COMMD1: variants seen among roughly 807,000 people sequenced by gnomAD.
COMMD1 encodes copper metabolism domain containing 1, also known as COMM domain-containing protein 1.
COMMD1 carries 10 observed loss-of-function variants against 17.2 expected under a neutral mutation model. The observed-to-expected ratio is 0.58, with a 90% CI of 0.36 to 0.99. The LOEUF (loss-of-function observed/expected upper bound fraction) is 0.99. COMMD1 is among the 50% of genes least tolerant of loss of function. The pLI is 0.01. For synonymous variants in COMMD1, 97 were observed against 91.6 expected, an observed-to-expected ratio of 1.06 and a Z score of -0.34; for missense variants, 270 against 231.8, an observed-to-expected ratio of 1.17 and a Z score of -1.07.
Position 61,963,169 on chromosome 2 carries a change from A to AT in COMMD1, c.181-37532_181-37531insT, listed in dbSNP as rs1346419618. ...AGTGAGACCCTGTCTCAAAAAAAAA[A>AT]ATATATATATATATATTATATACAC... On this transcript the variant is annotated intron_variant, in intron 1 of 2. Coordinates refer to ENST00000311832, the MANE Select transcript of COMMD1 (RefSeq NM_152516.4). Among the ~76,000 whole-genome samples the AT allele has an allele frequency of 8.3e-3, 1,196 of 143,554 alleles. 17 individuals are homozygous for AT. Among genetic ancestry groups the AT allele is most frequent in the East Asian group, 0.041 (202 of 4,986 alleles). 94.2% of individuals were successfully genotyped at this position (143,554 alleles called of 152,430 possible).
chr2:62,081,987 G>A (rs932126932), intron 2 of COMMD1, among the ~76,000 whole-genome samples: 8 of 152,084 alleles, frequency 5.3e-5, no homozygotes, highest in East Asian at 3.9e-4. Context: ...AGTGTAAGTC[G>A]GGAATCTAAT....
At chr2:61,942,504 G>A (rs1290235111) in intron 1 of COMMD1, among the ~76,000 whole-genome samples, 2 of 150,580 alleles carry the variant, frequency 1.3e-5, no homozygotes, top group Non-Finnish European at 3.0e-5. Flanking sequence ...GCCTCCCAAA[G>A]TGCTGGGATT....
chr2:61,951,251 G>A (rs1671046074), intron 1 of COMMD1, among the ~76,000 whole-genome samples: 1 of 152,090 alleles, frequency 6.6e-6, no homozygotes. Flanking sequence ...ATAGGTTGAG[G>A]CCAGGAGTTC....
At chr2:61,971,856 C>T (rs1229017977) in intron 1 of COMMD1, among the ~76,000 whole-genome samples, 4 of 152,082 alleles carry the variant, frequency 2.6e-5, no homozygotes, top group East Asian at 1.9e-4. Flanking sequence ...AGCGGTGGCT[C>T]ATGCCTGTAA....
At chr2:62,100,625 T>C (rs1011816962) in intron 2 of COMMD1, among the ~76,000 whole-genome samples, 2 of 152,056 alleles carry the variant, frequency 1.3e-5, no homozygotes, top group East Asian at 1.9e-4. Context: ...CTGGTGACAA[T>C]TGGTTGAGTT....
At chr2:61,957,523 G>T (rs1671230257) in intron 1 of COMMD1, among the ~76,000 whole-genome samples, 1 of 152,018 alleles carries the variant, frequency 6.6e-6, no homozygotes, top group African/African-American at 2.4e-5. Flanking sequence ...TGACCCCATT[G>T]CTGGTTAAGT....
At chr2:62,081,849 T>C (rs747684529) in intron 2 of COMMD1, among the ~76,000 whole-genome samples, 1 of 152,232 alleles carries the variant, frequency 6.6e-6, no homozygotes, top group African/African-American at 2.4e-5. Context: ...TATATTCAAA[T>C]ATGTCAATCT....
At chr2:62,076,512 C>T (rs1671339995) in intron 2 of COMMD1, among the ~76,000 whole-genome samples, 1 of 152,186 alleles carries the variant, frequency 6.6e-6, no homozygotes, top group Non-Finnish European at 1.5e-5. Context: ...TTTAGGAGGC[C>T]AAAGCGGCTG....
At position 61,965,751 on chromosome 2, in the gene COMMD1, A is replaced by G. The variant is rs185515032; in HGVS notation, c.181-34950A>G. 2.0e-5 allele frequency among the ~76,000 whole-genome samples: 3 copies of G among 152,216 alleles called. No individual in the cohort carries two copies. In the East Asian group the frequency reaches 5.8e-4, roughly 29 times the overall value. On this transcript the variant is annotated intron_variant, in intron 1 of 2. Coordinates refer to ENST00000311832, the MANE Select transcript of COMMD1 (RefSeq NM_152516.4). The stretch of plus-strand genomic sequence containing the variant: ...CTCAGGAGCAGGATTTGGAGCCTTA[A>G]AGTCCAGCTACCCTTCTCACATGGA...
intron 1 of COMMD1, among the ~76,000 whole-genome samples, chr2:61,899,807 G>A (rs546482975): frequency 6.6e-6 from 1 of 152,038 alleles, no homozygotes; most frequent in Non-Finnish European, 1.5e-5. Flanking sequence ...GCATAGTTGG[G>A]ACTACAGACG....
intron 2 of COMMD1, among the ~76,000 whole-genome samples, chr2:62,122,515 T>C (rs530592726): frequency 1.3e-5 from 2 of 151,816 alleles, no homozygotes; most frequent in East Asian, 3.9e-4. Flanking sequence ...TCCACTGGCC[T>C]ATAACAGGGA....
intron 1 of COMMD1, among the ~76,000 whole-genome samples, chr2:61,971,061 G>A (rs1038963803): frequency 3.3e-5 from 5 of 152,172 alleles, no homozygotes; most frequent in East Asian, 3.9e-4. Context: ...AGCATGTGCC[G>A]CCATGCCCGG....
chr2:61,911,038 G>A (rs534264406), intron 1 of COMMD1, among the ~76,000 whole-genome samples: 6 of 151,644 alleles, frequency 4.0e-5, no homozygotes, highest in Non-Finnish European at 7.4e-5. Flanking sequence ...AGCCGAGATC[G>A]CGCCATTGCA....
chr2:61,997,216 C>T (rs1044747048), intron 1 of COMMD1, among the ~76,000 whole-genome samples: 5 of 152,036 alleles, frequency 3.3e-5, no homozygotes, highest in East Asian at 1.9e-4. Flanking sequence ...CGTACTACCC[C>T]GCTTGGCTAG....
chr2:62,093,045 G>A (rs1671881853), intron 2 of COMMD1, among the ~76,000 whole-genome samples: 1 of 152,184 alleles, frequency 6.6e-6, no homozygotes, highest in South Asian at 2.1e-4. Context: ...AACTTGTCCA[G>A]TAAAATGAGT....
At chr2:61,915,999 C>T (rs899449497) in intron 1 of COMMD1, among the ~76,000 whole-genome samples, 79 of 151,942 alleles carry the variant, frequency 5.2e-4, no homozygotes, top group African/African-American at 1.9e-3. Flanking sequence ...GAGACAAGGT[C>T]TCACTATGTT....
At chr2:61,999,723 C>T (rs1219511405) in intron 1 of COMMD1, among the ~76,000 whole-genome samples, 5 of 152,042 alleles carry the variant, frequency 3.3e-5, no homozygotes, top group African/African-American at 9.7e-5. Context: ...ACCACCACAC[C>T]TGGCTTGTTT....
chr2:61,959,343 C>A (rs1474209436), intron 1 of COMMD1, among the ~76,000 whole-genome samples: 2 of 151,774 alleles, frequency 1.3e-5, no homozygotes, highest in African/African-American at 4.8e-5. Context: ...TCAATGGAAA[C>A]CTTAATAGTA....
intron 1 of COMMD1, among the ~76,000 whole-genome samples, chr2:61,894,381 C>T (rs570346425): frequency 1.1e-4 from 17 of 151,766 alleles, no homozygotes; most frequent in Non-Finnish European, 1.8e-4. Flanking sequence ...GGATTACAGG[C>T]GTGAGTCACC....
Sources: gnomAD v4.1 joint callset for allele counts (sites outside exome capture counted in the v4.1 genomes callset) on GRCh38, gnomAD v4.1.1 for gene constraint, MANE v1.5 for transcripts, NCBI Gene and HGNC (gene_info 2026-07-23, HGNC 2026-07-21) for gene names.